ANO6: variants seen among roughly 807,000 people sequenced by gnomAD.
The protein encoded by ANO6 is anoctamin-6.
In ANO6, 106 loss-of-function variants were observed where a neutral mutation model predicts 117.5. The observed-to-expected ratio is 0.90, with a 90% confidence interval of 0.77 to 1.06. The LOEUF is 1.06. Ranked by LOEUF, ANO6 falls within the 50% of genes least tolerant of loss-of-function variation. The pLI, the probability that ANO6 is intolerant of heterozygous loss-of-function variation, is 0.00. For missense variants in ANO6, 955 were observed against 1,121.1 expected (o/e 0.85, Z 2.12); for synonymous variants, 367 against 385.1 (o/e 0.95, Z 0.55).
rs750496127 is a variant in ANO6 at position 45,429,167 on chromosome 12, A to G, written c.2589A>G (p.Thr863=). 2 of 1,613,864 alleles carry G rather than the reference A, an allele frequency of 1.2e-6. No homozygotes were observed. Among genetic ancestry groups the G allele is most frequent in the East Asian group, 2.2e-5 (1 of 44,860 alleles). ...CAATTCCCGATGTATCAAAACGCACAAAGAGCAAGATCCAGAGAGAAAAAT... is the reference window on the plus strand; with the variant it reads ...CAATTCCCGATGTATCAAAACGCACGAAGAGCAAGATCCAGAGAGAAAAAT... ...SYAIPDVSKR[T]KSKIQREKYL... Residue 863 remains threonine (T), a synonymous_variant, in exon 20 of 20, where the codon ACA becomes ACG. Transcript: ENST00000320560.
chr12:45,412,989 C>G (rs1423779172), intron 16 of ANO6, among the ~76,000 whole-genome samples: 1 of 152,132 alleles, frequency 6.6e-6, no homozygotes, highest in African/African-American at 2.4e-5. Context: ...CAAAGAATGG[C>G]AAGTGAACAA....
chr12:45,317,138 A>T (rs193115748), intron 2 of ANO6, among the ~76,000 whole-genome samples: 2,080 of 26,060 alleles, frequency 0.08, 185 homozygotes, highest in South Asian at 0.36. Flanking sequence ...TATATTTATT[A>T]TACTTTAAGT....
intron 1 of ANO6, among the ~76,000 whole-genome samples, chr12:45,273,695 G>A (rs1001178814): frequency 6.6e-6 from 1 of 152,114 alleles, no homozygotes; most frequent in Non-Finnish European, 1.5e-5. Flanking sequence ...TGTGAGCCTT[G>A]GTCTGCTTCC....
chr12:45,249,785 A>C (rs1419939601), intron 1 of ANO6, among the ~76,000 whole-genome samples: 2 of 152,370 alleles, frequency 1.3e-5, no homozygotes, highest in East Asian at 3.9e-4. Context: ...AGTTACTTAC[A>C]GTGCGCTAGC....
chr12:45,425,045 AT>A (rs985623989), intron 19 of ANO6, among the ~76,000 whole-genome samples: 2 of 152,222 alleles, frequency 1.3e-5, no homozygotes, highest in Non-Finnish European at 2.9e-5. Flanking sequence ...GATAAGGAAT[AT>A]AAATTAACTG....
At chr12:45,367,193 G>T (rs1456369270) in intron 8 of ANO6, among the ~76,000 whole-genome samples, 1 of 152,154 alleles carries the variant, frequency 6.6e-6, no homozygotes, top group Non-Finnish European at 1.5e-5. Context: ...TGTTGGCCAG[G>T]CTGGTCTTGA....
At chr12:45,366,044 G>T (rs1181421733) in intron 8 of ANO6, among the ~76,000 whole-genome samples, 4 of 151,264 alleles carry the variant, frequency 2.6e-5, no homozygotes, top group African/African-American at 9.7e-5. Flanking sequence ...CACAGCTCCA[G>T]TCCTAGTTAC....
chr12:45,293,956 T>C (rs1230992033), intron 1 of ANO6, among the ~76,000 whole-genome samples: 2 of 152,054 alleles, frequency 1.3e-5, no homozygotes, highest in African/African-American at 4.8e-5. Flanking sequence ...CAGGTTTTAC[T>C]AGACATCCAA....
At chr12:45,394,883 A>G (rs563780301) in intron 12 of ANO6, among the ~76,000 whole-genome samples, 1 of 152,332 alleles carries the variant, frequency 6.6e-6, no homozygotes, top group East Asian at 1.9e-4. Flanking sequence ...ATGCCCACAA[A>G]GGAAAGCAGG....
chr12:45,358,991 C>G (rs1020853464), intron 8 of ANO6, among the ~76,000 whole-genome samples: 1 of 152,146 alleles, frequency 6.6e-6, no homozygotes, highest in Non-Finnish European at 1.5e-5. Context: ...ACCATCTTGG[C>G]CAGGCTGGTC....
chr12:45,284,041 T>G (rs1479582998), intron 1 of ANO6, among the ~76,000 whole-genome samples: 3 of 152,226 alleles, frequency 2.0e-5, no homozygotes, highest in Non-Finnish European at 4.4e-5. Context: ...GATCATAGTT[T>G]TAGATGATAT....
intron 2 of ANO6, among the ~76,000 whole-genome samples, chr12:45,325,004 A>G (rs774113040): frequency 1.3e-5 from 2 of 152,216 alleles, no homozygotes; most frequent in Non-Finnish European, 2.9e-5. Context: ...TTTGTGGTCT[A>G]AGAACCAAAC....
intron 19 of ANO6, among the ~76,000 whole-genome samples, chr12:45,428,320 G>A (rs1179222311): frequency 6.6e-6 from 1 of 152,178 alleles, no homozygotes; most frequent in Non-Finnish European, 1.5e-5. Context: ...AAATAGTTTT[G>A]AACAAAAGGT....
intron 1 of ANO6, among the ~76,000 whole-genome samples, chr12:45,225,494 A>AT (rs887488774): frequency 6.8e-4 from 99 of 146,382 alleles, no homozygotes; most frequent in Middle Eastern, 3.5e-3. Context: ...ACATTTTTAG[A>AT]TTTTTTTTTT....
chr12:45,322,040 C>A (rs1186155793), intron 2 of ANO6, among the ~76,000 whole-genome samples: 8 of 151,992 alleles, frequency 5.3e-5, no homozygotes, highest in African/African-American at 7.2e-5. Context: ...AAGGTGCTGG[C>A]AGTTTTACCC....
At chr12:45,297,152 G>C (rs1939321162) in intron 1 of ANO6, among the ~76,000 whole-genome samples, 1 of 152,138 alleles carries the variant, frequency 6.6e-6, no homozygotes, top group African/African-American at 2.4e-5. Flanking sequence ...CTTTGTGCCA[G>C]GCCTTGGTAT....
exon 20 of ANO6, chr12:45,440,043 C>A (rs1294520391): frequency 7.8e-6 from 9 of 1,149,480 alleles, no homozygotes; most frequent in Admixed American, 3.7e-5. Context: ...ATTAATATTC[C>A]AATACTGGCA....
chr12:45,231,379 A>C (rs1198045284), intron 1 of ANO6, among the ~76,000 whole-genome samples: 1 of 152,142 alleles, frequency 6.6e-6, no homozygotes, highest in Non-Finnish European at 1.5e-5. Context: ...GAGTGACTCA[A>C]CCTATAACCA....
chr12:45,357,740 T>C (rs1565716363), intron 8 of ANO6, among the ~76,000 whole-genome samples: 2 of 152,336 alleles, frequency 1.3e-5, no homozygotes, highest in Non-Finnish European at 2.9e-5. Flanking sequence ...CCTAGAGGAA[T>C]GTACACTCAG....
Sources: allele counts gnomAD v4.1 joint callset (sites outside exome capture counted in the v4.1 genomes callset), GRCh38; gene constraint gnomAD v4.1.1; transcripts MANE v1.5; gene names NCBI Gene and HGNC (gene_info 2026-07-23, HGNC 2026-07-21).